Variants in USP13 observed in about 807,000 individuals in gnomAD.
USP13 encodes the protein ubiquitin specific peptidase 13.
USP13 carries 68 observed loss-of-function variants against 107.8 expected under a neutral mutation model. The ratio of observed to expected loss-of-function variants is 0.63; its 90% CI spans 0.52 to 0.77. The LOEUF (loss-of-function observed/expected upper bound fraction) is 0.77, where lower values mean the gene tolerates loss of function less well. Ranked by LOEUF, USP13 falls within the 30% of genes least tolerant of loss-of-function variation. The pLI, the probability that USP13 is intolerant of heterozygous loss-of-function variation, is 0.00. For missense variants in USP13, 945 were observed against 1,093.3 expected (o/e 0.86, Z 1.91); for synonymous variants, 377 against 389.5 (o/e 0.97, Z 0.38).
rs185864036 is a variant in USP13, at chr3:179,707,980, G to A, written c.621-793G>A. Among the ~76,000 whole-genome samples, 6 of 152,330 alleles carry A rather than the reference G, an allele frequency of 3.9e-5. No individual in the cohort carries two copies. The East Asian group carries it at 5.8e-4, about 15-fold the overall frequency. ...GTAAGGTACTTGGCATATAGTTGACGTTTAGCATTTAGTCAAGTTGGTCTC... is the reference window on the plus strand; with the variant it reads ...GTAAGGTACTTGGCATATAGTTGACATTTAGCATTTAGTCAAGTTGGTCTC... On this transcript the variant is annotated intron_variant, in intron 5 of 20. Transcript: ENST00000263966.
Position 179,653,288 on chromosome 3 carries a change from A to G in USP13, c.63A>G (p.Ala21=). 1 of 1,572,474 alleles carries G rather than the reference A, an allele frequency of 6.4e-7. No homozygotes were observed. The highest frequency in any genetic ancestry group is 8.6e-7 in the Non-Finnish European group (1 of 1,159,654). Residue 21 remains alanine, a synonymous_variant, in exon 1 of 21, where the codon GCA becomes GCG. Transcript: ENST00000263966. This position sits in a 1 kb window ranked among gnomAD's most constrained non-coding sequence, Gnocchi z 4.0. Reference sequence around the variant, plus strand: ...GCAGCGGAGGCAGGAAGATGGCTGCAGGAGACATCGGCGAGCTGCTAGTGC... The same window carrying G: ...GCAGCGGAGGCAGGAAGATGGCTGCGGGAGACATCGGCGAGCTGCTAGTGC... The part of the protein sequence containing the change: ...PGGSGGRKMA[A]GDIGELLVPH...
At position 179,721,809 on chromosome 3, in the gene USP13, C is replaced by T. The variant is rs1713331374; in HGVS notation, c.1088+220C>T. On this transcript the variant is annotated intron_variant, in intron 8 of 20. Transcript: ENST00000263966. The surrounding 1 kb of genome is among the most constrained non-coding windows in gnomAD (Gnocchi z 4.3). ...CTTTGTGGCCGGGCGCAGTGTCTAA[C>T]GCCTGTAATCTCAGCACTTTGGGAG... Among the ~76,000 whole-genome samples the T allele has an allele frequency of 6.6e-6, 1 of 152,108 alleles. No homozygotes were observed. Among genetic ancestry groups the T allele is most frequent in the Admixed American group, 6.5e-5 (1 of 15,268 alleles).
At chr3:179,776,511 T>C (rs888758171) in intron 19 of USP13, among the ~76,000 whole-genome samples, 6 of 152,118 alleles carry the variant, frequency 3.9e-5, no homozygotes, top group African/African-American at 1.4e-4. Context: ...TTAAAAAATC[T>C]TCTTCTTAGC....
chr3:179,673,267 G>A (rs1720799131), intron 1 of USP13, among the ~76,000 whole-genome samples: 2 of 152,204 alleles, frequency 1.3e-5, no homozygotes, highest in African/African-American at 2.4e-5. Flanking sequence ...CTGAGGAATA[G>A]TTTGAGAGAG....
chr3:179,654,788 T>C (rs1033935427), intron 1 of USP13, among the ~76,000 whole-genome samples: 1 of 152,214 alleles, frequency 6.6e-6, no homozygotes, highest in Non-Finnish European at 1.5e-5. Flanking sequence ...ATCTGTGGGT[T>C]GATTTTGGCT....
At chr3:179,655,459 AATCAGTATATTTCATT>A (rs1167031902) in intron 1 of USP13, among the ~76,000 whole-genome samples, 1 of 152,102 alleles carries the variant, frequency 6.6e-6, no homozygotes, top group Non-Finnish European at 1.5e-5. Flanking sequence ...AAGGCTGATG[AATCAGTATATTTCATT>A]ATCTATGTTT....
chr3:179,781,867 G>C, intron 20 of USP13, 44 bp downstream of exon 20: 1 of 1,526,720 alleles, frequency 6.5e-7, no homozygotes, highest in African/African-American at 1.4e-5. Flanking sequence ...GATTTATTGA[G>C]TACCTACTAT....
chr3:179,701,735 C>T (rs984998851), intron 4 of USP13, among the ~76,000 whole-genome samples: 8 of 152,298 alleles, frequency 5.3e-5, no homozygotes, highest in Non-Finnish European at 1.2e-4. Flanking sequence ...ATATTTTTAG[C>T]TGTGAGCTTC....
intron 16 of USP13, 165 bp downstream of exon 16, chr3:179,757,243 G>A (rs1714841226): frequency 2.8e-6 from 2 of 705,574 alleles, no homozygotes; most frequent in Non-Finnish European, 4.8e-6. Flanking sequence ...TGCTGATCAG[G>A]TGGCCCATGG....
chr3:179,669,835 C>A (rs1468001287), intron 1 of USP13, among the ~76,000 whole-genome samples: 1 of 152,060 alleles, frequency 6.6e-6, no homozygotes, highest in East Asian at 1.9e-4. Context: ...TTTCTTGACC[C>A]CCCCCTCCAT....
intron 15 of USP13, among the ~76,000 whole-genome samples, chr3:179,756,828 TAATC>T (rs1714821351): frequency 6.6e-6 from 1 of 152,100 alleles, no homozygotes; most frequent in African/African-American, 2.4e-5. Context: ...GTTAGGATAA[TAATC>T]AAAGCATCAT....
At position 179,712,144 on chromosome 3, in the gene USP13, T is replaced by G. The variant is rs536975457; in HGVS notation, c.805+3187T>G. On this transcript the variant is annotated intron_variant, in intron 6 of 20. Transcript: ENST00000263966. The stretch of plus-strand genomic sequence containing the variant: ...TGTAATTAGATTCTATTTAAATGTA[T>G]GCTAATAATAAAGGCCAAGAATTAA... Among the ~76,000 whole-genome samples, 4 of 152,382 alleles carry G rather than the reference T, an allele frequency of 2.6e-5. 1 individual carries two copies. Among genetic ancestry groups the G allele is most frequent in the African/African-American group, 9.6e-5 (4 of 41,592 alleles).
At chr3:179,776,858 GTTTTTTT>G (rs71628094) in intron 19 of USP13, among the ~76,000 whole-genome samples, 106 of 78,296 alleles carry the variant, frequency 1.4e-3, no homozygotes, top group African/African-American at 5.4e-3. Flanking sequence ...TAGAGTGCTG[GTTTTTTT>G]TTTTTTTTTT....
In USP13 at chr3:179,706,943, G is replaced by A; in HGVS notation, c.487G>A (p.Ala163Thr). 1.2e-6 allele frequency: 2 copies of A among 1,613,124 alleles called. No homozygotes were observed. Among genetic ancestry groups the A allele is most frequent in the Non-Finnish European group, 8.5e-7 (1 of 1,179,802 alleles). Residue 163 changes from alanine (A) to threonine (T), a missense_variant, in exon 5 of 21, where the codon GCT becomes ACT. By Grantham distance (58) the Ala-to-Thr change is moderately conservative. Transcript: ENST00000263966. Reference sequence around the variant, plus strand: ...TGGGTTTGTCTTATAGGTAACAATTGCTTGTGATGCAGTTCTCAGCTCAAA... The same window carrying A: ...TGGGTTTGTCTTATAGGTAACAATTACTTGTGATGCAGTTCTCAGCTCAAA... ...IEELPALVTIACDAVLSSKSP... is the reference protein window; with the variant it reads ...IEELPALVTITCDAVLSSKSP...
intron 13 of USP13, among the ~76,000 whole-genome samples, chr3:179,751,023 T>C (rs1328074447): frequency 1.3e-5 from 2 of 152,246 alleles, no homozygotes; most frequent in South Asian, 2.1e-4. Context: ...ATTTGAAAAG[T>C]GGAATAGGGG....
At chr3:179,677,552 C>G (rs1711515283) in intron 1 of USP13, among the ~76,000 whole-genome samples, 1 of 151,814 alleles carries the variant, frequency 6.6e-6, no homozygotes, top group African/African-American at 2.4e-5. Flanking sequence ...TGCATTCCAG[C>G]CTGGGCAACA....
rs1425690507 is a variant in USP13 at position 179,701,123 on chromosome 3, A to G, written c.471A>G (p.Pro157=). Reference sequence around the variant, plus strand: ...CACTACCAAATATTGAGGAGTTACCAGCCCTGGTCAGTGAGTGTGCACGGC... The same window carrying G: ...CACTACCAAATATTGAGGAGTTACCGGCCCTGGTCAGTGAGTGTGCACGGC... The part of the protein sequence containing the change: ...EIALPNIEEL[P]ALVTIACDAV... The change falls in exon 4 of 21, where the codon CCA becomes CCG. Residue 157 remains proline, a synonymous_variant. Coordinates refer to ENST00000263966, the MANE Select transcript of USP13 (RefSeq NM_003940.3). The G allele has an allele frequency of 6.4e-7, 1 of 1,554,914 alleles. No homozygotes were observed.
intron 1 of USP13, among the ~76,000 whole-genome samples, chr3:179,661,662 G>T (rs770703259): frequency 6.6e-6 from 1 of 152,040 alleles, no homozygotes; most frequent in Non-Finnish European, 1.5e-5. Flanking sequence ...GGAGGGTGAA[G>T]GTGGTCTCAG....
intron 1 of USP13, among the ~76,000 whole-genome samples, chr3:179,659,765 G>C (rs557887943): frequency 6.6e-6 from 1 of 152,132 alleles, no homozygotes; most frequent in Admixed American, 6.5e-5. Context: ...TTGGCTGGGC[G>C]CGGTGGCTCA....
Sources: gnomAD v4.1 joint callset for allele counts (sites outside exome capture counted in the v4.1 genomes callset) on GRCh38, gnomAD v4.1.1 for gene constraint, Gnocchi (gnomAD v3.1) non-coding constraint, MANE v1.5 for transcripts, NCBI Gene and HGNC (gene_info 2026-07-23, HGNC 2026-07-21) for gene names.